MPV17: variants seen among roughly 807,000 people sequenced by gnomAD.
MPV17 encodes the protein mitochondrial inner membrane protein MPV17.
MPV17 carries 31 observed loss-of-function variants against 28.6 expected under a neutral mutation model. The observed-to-expected ratio is 1.08, with a 90% confidence interval of 0.81 to 1.46. MPV17 has a LOEUF of 1.46. Among genes scored for constraint, MPV17 ranks in the 40% most tolerant of loss-of-function variants. MPV17 has a pLI of 0.00. For missense variants in MPV17, 198 were observed against 216.2 expected, an observed-to-expected ratio of 0.92 and a Z score of 0.53; for synonymous variants, 87 against 85.3, an observed-to-expected ratio of 1.02 and a Z score of -0.11.
At chr2:27,312,910 TGA>T (rs1679508668) in intron 3 of MPV17, 82 bp downstream of exon 3, 6 of 1,557,422 alleles carry the variant, frequency 3.9e-6, no homozygotes, top group African/African-American at 2.7e-5. Context: ...GGCTTAGGTG[TGA>T]GAGTCCAAGG....
intron 5 of MPV17, 78 bp downstream of exon 5, chr2:27,312,416 A>T: frequency 6.6e-7 from 1 of 1,519,412 alleles, no homozygotes; most frequent in Non-Finnish European, 9.1e-7. Context: ...CCCCTTTTTT[A>T]TCCCTGTAAA....
chr2:27,319,898 C>A lies in MPV17; in HGVS notation c.70+2550G>T, dbSNP rs1337440835. ...CTGATATAGCACCACCACTCTCCAG[C>A]CTGGGTAACAGGGTGACACCTTATC... On this transcript the variant is annotated intron_variant, in intron 2 of 7. Transcript: ENST00000380044. 7.3e-5 allele frequency among the ~76,000 whole-genome samples: 11 copies of A among 149,840 alleles called. No homozygotes were observed. The East Asian group carries it at 2.2e-3, about 30-fold the overall frequency.
intron 7 of MPV17, chr2:27,310,992 C>A (rs2148213525): frequency 6.6e-6 from 1 of 150,570 alleles, no homozygotes; most frequent in Non-Finnish European, 1.5e-5. Flanking sequence ...ATCCACCTGC[C>A]TCAGCCTCCC....
In MPV17 at chr2:27,317,617, T is replaced by C. The variant is rs1679703918; in HGVS notation, c.71-4508A>G. Among the ~76,000 whole-genome samples, 1 of 148,940 alleles carries C rather than the reference T, an allele frequency of 6.7e-6. No homozygotes were observed. The highest frequency in any genetic ancestry group is 6.7e-5 in the Admixed American group (1 of 14,968). On this transcript the variant is annotated intron_variant, in intron 2 of 7. Transcript: ENST00000380044. The surrounding 1 kb of genome is among the most constrained non-coding windows in gnomAD (Gnocchi z 4.0). ...CAGTCTCCTGGGCTGGACAGGATTG[T>C]ATGTAAGGCCTATTGAGCTCTCATA...
chr2:27,311,809 G>C (rs1572541773), intron 7 of MPV17, 90 bp downstream of exon 7: 1 of 1,577,250 alleles, frequency 6.3e-7, no homozygotes, highest in Middle Eastern at 1.7e-4. Context: ...GGGGGTCTAA[G>C]GTAGCTCAAG....
At chr2:27,312,434 T>G in intron 5 of MPV17, 60 bp downstream of exon 5, 1 of 1,572,940 alleles carries the variant, frequency 6.4e-7, no homozygotes, top group East Asian at 2.2e-5. Context: ...AAAACCTGTC[T>G]TCTTCCCCTG....
intron 3 of MPV17, 107 bp from the exon 4 acceptor site, chr2:27,312,879 G>GA: frequency 6.5e-7 from 1 of 1,541,236 alleles, no homozygotes; most frequent in Non-Finnish European, 9.0e-7. Flanking sequence ...TGGACACTAA[G>GA]AAAAAAGAGG....
In MPV17 at chr2:27,317,333, G is replaced by T; in HGVS notation, c.71-4224C>A. ...AGCGGGAGGGGAGTGGATCCTCTGG[G>T]ATTATTCTGAATGCTCTCCCATTTC... On this transcript the variant is annotated intron_variant, in intron 2 of 7. Transcript: ENST00000380044. The surrounding 1 kb of genome is among the most constrained non-coding windows in gnomAD (Gnocchi z 4.0). The T allele has an allele frequency of 1.9e-6, 2 of 1,052,014 alleles. No homozygotes were observed. Among genetic ancestry groups the T allele is most frequent in the Non-Finnish European group, 1.3e-6 (1 of 754,866 alleles). The allele number at this position is 1,052,014 out of a possible 1,614,324, so 65.2% of individuals were successfully genotyped here. A position where few individuals can be genotyped will look rare whatever the true frequency, so the allele number is the denominator to read the frequency against.
chr2:27,321,636 A>T (rs535715440), intron 2 of MPV17, among the ~76,000 whole-genome samples: 1 of 152,192 alleles, frequency 6.6e-6, no homozygotes, highest in African/African-American at 2.4e-5. Context: ...TCTTCATGCC[A>T]TCCTCTTACA....
At position 27,312,740 on chromosome 2, in the gene MPV17, C is replaced by G. The variant is rs763182621; in HGVS notation, c.219G>C (p.Leu73Phe). ...GPVVGGWYKV[L>F]DRFIPGTTKV... is the part of the protein sequence containing the mutation. ...TGGTGGTGCCAGGGATGAACCGATC[C>G]AAAACCTTGTACCAGCCTCCTACCA... Residue 73 changes from leucine to phenylalanine, a missense_variant, in exon 4 of 8, where the codon TTG becomes TTC. By Grantham distance (22) the Leu-to-Phe change is conservative. Coordinates refer to ENST00000380044, the MANE Select transcript of MPV17 (RefSeq NM_002437.5). 1 of 1,614,204 alleles carries G rather than the reference C, an allele frequency of 6.2e-7. No homozygotes were observed. Among genetic ancestry groups the G allele is most frequent in the South Asian group, 1.1e-5 (1 of 91,072 alleles).
intron 2 of MPV17, chr2:27,316,255 G>C: frequency 1.3e-6 from 2 of 1,531,938 alleles, no homozygotes; most frequent in East Asian, 2.5e-5. Flanking sequence ...CAACAAGCTA[G>C]AGGCAGAGCT....
chr2:27,313,202 C>A (rs1276744580), intron 2 of MPV17, 93 bp from the exon 3 acceptor site: 4 of 1,595,372 alleles, frequency 2.5e-6, no homozygotes, highest in Non-Finnish European at 2.6e-6. Context: ...CACTGAGGCT[C>A]TGGTACTCTG....
chr2:27,321,689 G>A (rs1455718293), intron 2 of MPV17, among the ~76,000 whole-genome samples: 2 of 152,128 alleles, frequency 1.3e-5, no homozygotes, highest in East Asian at 3.8e-4. Flanking sequence ...ATGCAGGTAG[G>A]TCACTGCATT....
At chr2:27,318,060 CTTTCT>C (rs1471700490) in intron 2 of MPV17, among the ~76,000 whole-genome samples, 3 of 150,362 alleles carry the variant, frequency 2.0e-5, no homozygotes, top group African/African-American at 4.9e-5. Flanking sequence ...TGAGGTCAAT[CTTTCT>C]TTTCTTTTTT....
At chr2:27,312,640 C>T (rs201682815) in intron 4 of MPV17, 40 bp downstream of exon 4, 22 of 1,612,858 alleles carry the variant, frequency 1.4e-5, no homozygotes, top group African/African-American at 2.7e-5. Flanking sequence ...CCACCTACCC[C>T]CAACACAGCT....
chr2:27,313,105 G>A lies in MPV17; in HGVS notation c.75C>T (p.Ser25=), dbSNP rs779646719. 1.2e-6 allele frequency: 2 copies of A among 1,614,180 alleles called. No individual in the cohort carries two copies. Among genetic ancestry groups the A allele is most frequent in the Non-Finnish European group, 1.7e-6 (2 of 1,180,032 alleles). Residue 25 remains serine (S), a synonymous_variant, in exon 3 of 8, where the codon TCC becomes TCT. Transcript: ENST00000380044. ...AGATAATGTCACCCAGGCCCATCAG[G>A]GACCCTATGCAGGGTACACAGGTGT... ...PWKVQVLTAG[S]LMGLGDIISQ...
In MPV17 at chr2:27,312,266, A is replaced by G. The variant is rs763693721; in HGVS notation, c.376-20T>C. 2.9e-5 allele frequency: 46 copies of G among 1,613,684 alleles called. No homozygotes were observed. The highest frequency in any genetic ancestry group is 3.7e-5 in the Non-Finnish European group (44 of 1,179,648). ...ATAATCCTGGGGAGACAGAGAAGGA[A>G]CAAATTAACACTTGCGCCTCCAAGC... On this transcript the variant is annotated intron_variant, in intron 5 of 7. Coordinates refer to ENST00000380044, the MANE Select transcript of MPV17 (RefSeq NM_002437.5).
chr2:27,316,283 C>G (rs1291199765), intron 2 of MPV17: 1 of 1,413,218 alleles, frequency 7.1e-7, no homozygotes, highest in Non-Finnish European at 9.7e-7. Flanking sequence ...AAAGCCAAGT[C>G]CCTGACTTCT....
chr2:27,312,029 C>T, intron 6 of MPV17, 78 bp from the exon 7 acceptor site: 1 of 1,546,420 alleles, frequency 6.5e-7, no homozygotes, highest in East Asian at 2.3e-5. Flanking sequence ...GGCCCTACCC[C>T]AACTTCTGCA....
Sources: gnomAD v4.1 joint callset for allele counts (sites outside exome capture counted in the v4.1 genomes callset) on GRCh38, gnomAD v4.1.1 for gene constraint, Gnocchi (gnomAD v3.1) non-coding constraint, MANE v1.5 for transcripts, NCBI Gene and HGNC (gene_info 2026-07-23, HGNC 2026-07-21) for gene names.